Variants in CABCOCO1 observed in about 807,000 individuals in gnomAD.
CABCOCO1 encodes ciliary associated calcium binding coiled-coil 1.
In CABCOCO1, 28 loss-of-function variants were observed where a neutral mutation model predicts 35.7. The observed-to-expected ratio is 0.78, with a 90% CI of 0.58 to 1.07. The LOEUF (loss-of-function observed/expected upper bound fraction) is 1.07, where lower values mean the gene tolerates loss of function less well. CABCOCO1 is among the 50% of genes least tolerant of loss of function. CABCOCO1 has a pLI of 0.00. For missense variants in CABCOCO1, 326 were observed against 309.2 expected, an observed-to-expected ratio of 1.05 and a Z score of -0.41; for synonymous variants, 95 against 100.1, an observed-to-expected ratio of 0.95 and a Z score of 0.30.
At chr10:61,676,068 G>T (rs1013292832) in intron 2 of CABCOCO1, among the ~76,000 whole-genome samples, 16 of 152,150 alleles carry the variant, frequency 1.1e-4, no homozygotes, top group Non-Finnish European at 1.9e-4. Flanking sequence ...CTTTTCCTTA[G>T]CAAGGTTAGT....
chr10:61,765,385 C>A (rs1463390426), intron 7 of CABCOCO1, among the ~76,000 whole-genome samples: 4 of 152,134 alleles, frequency 2.6e-5, no homozygotes, highest in African/African-American at 7.2e-5. Context: ...CAATTGCTTA[C>A]TTTTTTTACC....
intron 2 of CABCOCO1, among the ~76,000 whole-genome samples, chr10:61,679,533 A>T (rs1000948645): frequency 2.0e-5 from 3 of 152,196 alleles, no homozygotes; most frequent in African/African-American, 4.8e-5. Flanking sequence ...CCAATTAAAA[A>T]AAATAAATAA....
intron 5 of CABCOCO1, among the ~76,000 whole-genome samples, chr10:61,737,489 A>G (rs2132062324): frequency 6.6e-6 from 1 of 152,340 alleles, no homozygotes; most frequent in South Asian, 2.1e-4. Flanking sequence ...ATTCTACCAT[A>G]AAGACACATT....
At chr10:61,690,494 G>A in intron 4 of CABCOCO1, 55 bp from the exon 5 acceptor site, 3 of 1,180,894 alleles carry the variant, frequency 2.5e-6, no homozygotes, top group Non-Finnish European at 3.7e-6. Flanking sequence ...TTTACATATT[G>A]TGTTTTTTTT....
At chr10:61,730,204 C>A (rs1164070527) in intron 5 of CABCOCO1, among the ~76,000 whole-genome samples, 2 of 151,454 alleles carry the variant, frequency 1.3e-5, no homozygotes, top group African/African-American at 4.8e-5. Context: ...TAAGAAATGC[C>A]TGACTTTGGG....
At chr10:61,707,693 C>G (rs1840627545) in intron 5 of CABCOCO1, among the ~76,000 whole-genome samples, 1 of 152,114 alleles carries the variant, frequency 6.6e-6, no homozygotes, top group Non-Finnish European at 1.5e-5. Context: ...TTTTTAATCA[C>G]TAAATGAATC....
chr10:61,689,630 T>C (rs1194533142), intron 4 of CABCOCO1, among the ~76,000 whole-genome samples: 2 of 152,208 alleles, frequency 1.3e-5, no homozygotes, highest in Non-Finnish European at 2.9e-5. Context: ...TTGCAAATGT[T>C]AATTTCTCAG....
intron 5 of CABCOCO1, among the ~76,000 whole-genome samples, chr10:61,696,839 T>C (rs1252081404): frequency 6.6e-6 from 1 of 151,712 alleles, no homozygotes; most frequent in Non-Finnish European, 1.5e-5. Context: ...GTTTCTTTGA[T>C]AAAATAAGAA....
chr10:61,746,971 T>C (rs1841676321), intron 5 of CABCOCO1, among the ~76,000 whole-genome samples: 3 of 152,188 alleles, frequency 2.0e-5, no homozygotes, highest in African/African-American at 7.2e-5. Context: ...TAAGGTAATC[T>C]TTATAAGGTA....
intron 5 of CABCOCO1, among the ~76,000 whole-genome samples, chr10:61,749,257 T>C (rs188932210): frequency 2.6e-4 from 40 of 152,312 alleles, no homozygotes; most frequent in African/African-American, 9.4e-4. Flanking sequence ...GGAGCTTTGG[T>C]CACACGACCA....
intron 5 of CABCOCO1, among the ~76,000 whole-genome samples, chr10:61,696,361 G>T (rs1331823995): frequency 6.6e-6 from 1 of 151,704 alleles, no homozygotes; most frequent in Non-Finnish European, 1.5e-5. Flanking sequence ...ATAAATATGA[G>T]AAAAATATGA....
At chr10:61,705,092 G>T (rs1256484646) in intron 5 of CABCOCO1, among the ~76,000 whole-genome samples, 2 of 152,148 alleles carry the variant, frequency 1.3e-5, no homozygotes, top group East Asian at 3.8e-4. Flanking sequence ...TGAGACTAAA[G>T]TTATGGAGAG....
rs1839210872 is a variant in CABCOCO1 at position 61,667,161 on chromosome 10, TG to T, written c.60+4130del. 4.1e-5 allele frequency among the ~76,000 whole-genome samples: 6 copies of T among 145,430 alleles called. No individual in the cohort carries two copies. In the South Asian group the frequency reaches 8.4e-4, roughly 20 times the overall value. On this transcript the variant is annotated intron_variant, in intron 1 of 7. Coordinates refer to ENST00000648843, the MANE Select transcript of CABCOCO1 (RefSeq NM_001366906.2). ...ATATGTATATATAAATATAATTATA[TG>T]TTATATAAACATTTTACATATTATA...
At chr10:61,683,647 TTAATTA>T (rs1246695191) in intron 3 of CABCOCO1, among the ~76,000 whole-genome samples, 1 of 152,220 alleles carries the variant, frequency 6.6e-6, no homozygotes, top group East Asian at 1.9e-4. Context: ...CATTTTCCAA[TTAATTA>T]TAAGTCTAGT....
intron 5 of CABCOCO1, among the ~76,000 whole-genome samples, chr10:61,734,553 CA>C (rs1841373562): frequency 6.6e-6 from 1 of 151,778 alleles, no homozygotes; most frequent in Admixed American, 6.6e-5. Flanking sequence ...AGAGAAAAAC[CA>C]GGAAGTTTTA....
At chr10:61,740,180 T>C (rs1409194547) in intron 5 of CABCOCO1, among the ~76,000 whole-genome samples, 8 of 152,188 alleles carry the variant, frequency 5.3e-5, no homozygotes, top group Admixed American at 5.2e-4. Context: ...AATATAAACT[T>C]CCAACAAACA....
At chr10:61,674,719 T>G (rs1186320437) in intron 2 of CABCOCO1, among the ~76,000 whole-genome samples, 1 of 152,152 alleles carries the variant, frequency 6.6e-6, no homozygotes, top group African/African-American at 2.4e-5. Flanking sequence ...TTTCTCTCCA[T>G]GAAAGCAGCC....
intron 2 of CABCOCO1, among the ~76,000 whole-genome samples, chr10:61,678,827 A>G (rs1839607072): frequency 6.6e-6 from 1 of 152,214 alleles, no homozygotes; most frequent in Non-Finnish European, 1.5e-5. Context: ...CATACCATAT[A>G]CCAAATGGCA....
At chr10:61,669,912 A>T (rs987747512) in intron 1 of CABCOCO1, among the ~76,000 whole-genome samples, 2 of 152,138 alleles carry the variant, frequency 1.3e-5, no homozygotes, top group African/African-American at 4.8e-5. Flanking sequence ...TAAAACACAT[A>T]AAAATGATAT....
Sources: gnomAD v4.1 joint callset for allele counts (sites outside exome capture counted in the v4.1 genomes callset) on GRCh38, gnomAD v4.1.1 for gene constraint, MANE v1.5 for transcripts, NCBI Gene and HGNC (gene_info 2026-07-23, HGNC 2026-07-21) for gene names.